The following GPAT4 variants were observed in gnomAD, a reference collection of about 807,000 sequenced individuals.
GPAT4 encodes the protein 1-AGP acyltransferase 6.
In GPAT4, 17 loss-of-function variants were observed where a neutral mutation model predicts 58.0. The observed-to-expected ratio is 0.29, with a 90% CI of 0.20 to 0.44. The LOEUF (loss-of-function observed/expected upper bound fraction) is 0.44. Among genes scored for constraint, GPAT4 ranks in the 20% least tolerant of loss-of-function variants. The pLI is 1.00. For missense variants in GPAT4, 377 were observed against 574.5 expected, an observed-to-expected ratio of 0.66 and a Z score of 3.51; for synonymous variants, 204 against 210.1, an observed-to-expected ratio of 0.97 and a Z score of 0.25.
At chr8:41,584,898 G>A (rs1421875887) in intron 1 of GPAT4, 1 of 152,206 alleles carries the variant, frequency 6.6e-6, no homozygotes, top group Non-Finnish European at 1.5e-5. Context: ...CCCCGAACCT[G>A]ACCATGTTCT....
At chr8:41,615,100 G>C (rs1406243759) in intron 10 of GPAT4, 52 bp downstream of exon 10, 1 of 1,490,452 alleles carries the variant, frequency 6.7e-7, no homozygotes, top group Admixed American at 1.7e-5. Context: ...GCTGTGAGTG[G>C]GGTGCAGCAG....
chr8:41,589,947 A>C (rs1319032989), intron 1 of GPAT4, among the ~76,000 whole-genome samples: 1 of 152,208 alleles, frequency 6.6e-6, no homozygotes, highest in Non-Finnish European at 1.5e-5. Flanking sequence ...TCGGTAACTC[A>C]GGTTCCTGAA....
At chr8:41,594,110 C>A (rs115705628) in intron 1 of GPAT4, among the ~76,000 whole-genome samples, 1,558 of 152,232 alleles carry the variant, frequency 0.01, 28 homozygotes, top group African/African-American at 0.036. Flanking sequence ...TTTATAGGCT[C>A]TTTTTAACCT....
At chr8:41,605,064 G>T (rs1398337123) in intron 2 of GPAT4, among the ~76,000 whole-genome samples, 2 of 152,182 alleles carry the variant, frequency 1.3e-5, no homozygotes, top group South Asian at 4.1e-4. Context: ...AATAGCTCCA[G>T]GTTTTGTCAT....
chr8:41,610,740 G>A lies in GPAT4; in HGVS notation c.541G>A (p.Ala181Thr), dbSNP rs1213591396. 3 of 1,609,898 alleles carry A rather than the reference G, an allele frequency of 1.9e-6. No homozygotes were observed. Among genetic ancestry groups the A allele is most frequent in the African/African-American group, 2.7e-5 (2 of 74,818 alleles). ...TAACTTTTCTTCTTCTTACAGGATA[G>A]CACTGGCTTTCACAGGGATTAGCCT... ...RYCFLLPLRI[A>T]LAFTGISLLV... is the part of the protein sequence containing the mutation. The change falls in exon 5 of 13, where the codon GCA (alanine) becomes ACA (threonine). Residue 181 changes from alanine (A) to threonine (T), a missense_variant. Transcript: ENST00000396987.
At position 41,621,250 on chromosome 8, in the gene GPAT4, C is replaced by T. The variant is rs1459180041; in HGVS notation, c.*249C>T. 1.9e-6 allele frequency: 1 copy of T among 538,992 alleles called. No individual in the cohort carries two copies. Among genetic ancestry groups the T allele is most frequent in the Non-Finnish European group, 3.3e-6 (1 of 301,628 alleles). The allele number at this position is 538,992 out of a possible 1,614,324, so 33.4% of individuals were successfully genotyped here. A position where few individuals can be genotyped will look rare whatever the true frequency, so the allele number is the denominator to read the frequency against. On this transcript the variant is annotated 3_prime_UTR_variant, in exon 13 of 13. Transcript: ENST00000396987. Reference sequence around the variant, plus strand: ...AGGACGAGATGCCTTGTTTCTTTTACAATAAGTCGTTGGAGGAATGCCATT... The same window carrying T: ...AGGACGAGATGCCTTGTTTCTTTTATAATAAGTCGTTGGAGGAATGCCATT...
chr8:41,578,300 C>T (rs1210656833), intron 1 of GPAT4, 22 bp downstream of exon 1: 1 of 151,710 alleles, frequency 6.6e-6, no homozygotes. Flanking sequence ...GGAGCTGGCC[C>T]CTTACCTCAA....
At chr8:41,616,918 C>T (rs535577949) in intron 10 of GPAT4, among the ~76,000 whole-genome samples, 6 of 152,252 alleles carry the variant, frequency 3.9e-5, no homozygotes, top group Admixed American at 1.3e-4. Flanking sequence ...CAGCCATGAC[C>T]TGATGTGAGG....
At chr8:41,587,009 G>A (rs1357805012) in intron 1 of GPAT4, among the ~76,000 whole-genome samples, 1 of 152,212 alleles carries the variant, frequency 6.6e-6, no homozygotes, top group African/African-American at 2.4e-5. Context: ...AGTGGCCAGG[G>A]GATGGTTCTG....
At chr8:41,587,659 A>G (rs976669365) in intron 1 of GPAT4, among the ~76,000 whole-genome samples, 15 of 152,134 alleles carry the variant, frequency 9.9e-5, no homozygotes, top group Admixed American at 6.5e-4. Flanking sequence ...CAGTAGTAGC[A>G]CTCCCATCCC....
intron 1 of GPAT4, among the ~76,000 whole-genome samples, chr8:41,591,569 A>C (rs1318201156): frequency 6.6e-6 from 1 of 152,250 alleles, no homozygotes; most frequent in Non-Finnish European, 1.5e-5. Flanking sequence ...TGGTGAACTA[A>C]GGTAATGATG....
intron 1 of GPAT4, among the ~76,000 whole-genome samples, chr8:41,587,202 G>A (rs1339313798): frequency 1.3e-5 from 2 of 152,226 alleles, no homozygotes; most frequent in Non-Finnish European, 2.9e-5. Context: ...CCCCCAGTAT[G>A]CTCTGCAGAC....
At chr8:41,600,031 C>CTTTTTTTTTTTTTTTTTTT (rs1563273268) in intron 2 of GPAT4, among the ~76,000 whole-genome samples, 3 of 75,442 alleles carry the variant, frequency 4.0e-5, no homozygotes, top group African/African-American at 1.7e-4. Context: ...TTATCTTTTT[C>CTTTTTTTTTTTTTTTTTTT]TTTTCTTTTT....
At position 41,621,529 on chromosome 8, in the gene GPAT4, C is replaced by T. The variant is rs1803751401; in HGVS notation, c.*528C>T. 6.5e-6 allele frequency: 1 copy of T among 153,622 alleles called. No homozygotes were observed. The highest frequency in any genetic ancestry group is 2.4e-5 in the African/African-American group (1 of 41,460). 9.5% of individuals were successfully genotyped at this position (153,622 alleles called of 1,614,324 possible). A position where few individuals can be genotyped will look rare whatever the true frequency, so the allele number is the denominator to read the frequency against. On this transcript the variant is annotated 3_prime_UTR_variant, in exon 13 of 13. Transcript: ENST00000396987. ...GGAAACTGTCATCTGCAGGGGCTTT[C>T]AGCAAAATGAAGGGTTAGATTTTTA...
In GPAT4 at chr8:41,595,201, G is replaced by A. The variant is rs578123649; in HGVS notation, c.-848-3091G>A. Among the ~76,000 whole-genome samples, 334 of 118,960 alleles carry A rather than the reference G, an allele frequency of 2.8e-3. 2 individuals carry two copies. The highest frequency in any genetic ancestry group is 0.017 in the Middle Eastern group (3 of 172). 78.0% of individuals were successfully genotyped at this position (118,960 alleles called of 152,430 possible). On this transcript the variant is annotated intron_variant, in intron 1 of 12. Coordinates refer to ENST00000396987, the MANE Select transcript of GPAT4 (RefSeq NM_178819.4). ...AATTACCTGGGAGGAACCATCTATT[G>A]TCCTGTCCTGAAGGGAGTTCCTCCT...
intron 7 of GPAT4, 124 bp downstream of exon 7, chr8:41,612,397 T>G (rs917096664): frequency 5.6e-6 from 5 of 899,030 alleles, no homozygotes; most frequent in Non-Finnish European, 8.5e-6. Flanking sequence ...CACCTTACTG[T>G]CACTGTGGGG....
intron 2 of GPAT4, among the ~76,000 whole-genome samples, chr8:41,600,394 C>T (rs1281551022): frequency 6.6e-6 from 1 of 152,042 alleles, no homozygotes; most frequent in African/African-American, 2.4e-5. Flanking sequence ...TCTTTGGTTC[C>T]TTATAATTCT....
At chr8:41,618,300 C>T (rs1399649169) in intron 10 of GPAT4, among the ~76,000 whole-genome samples, 1 of 152,084 alleles carries the variant, frequency 6.6e-6, no homozygotes, top group Non-Finnish European at 1.5e-5. Flanking sequence ...AAGTGGGAAA[C>T]GTTGGCGGTG....
chr8:41,599,096 T>G lies in GPAT4; in HGVS notation c.-44T>G, dbSNP rs770829363. The G allele has an allele frequency of 6.4e-7, 1 of 1,572,528 alleles. No individual in the cohort carries two copies. The highest frequency in any genetic ancestry group is 2.1e-5 in the Admixed American group (1 of 48,364). On this transcript the variant is annotated 5_prime_UTR_variant, in exon 2 of 13. Transcript: ENST00000396987. ...GAAGGACCATCTGAAGGCTGCAATT[T>G]GTTCTTAGGGAGGCAGGTGCTGGCC...
Sources: gnomAD v4.1 joint callset for allele counts (sites outside exome capture counted in the v4.1 genomes callset) on GRCh38, gnomAD v4.1.1 for gene constraint, MANE v1.5 for transcripts, NCBI Gene and HGNC (gene_info 2026-07-23, HGNC 2026-07-21) for gene names.